Variants in FRYL observed in about 807,000 individuals in gnomAD.
FRYL encodes FRY like transcription coactivator.
A neutral mutation model predicts 351.2 loss-of-function variants in FRYL; 150 were observed. The ratio of observed to expected loss-of-function variants is 0.43; its 90% CI spans 0.37 to 0.49. The LOEUF is 0.49. Ranked by LOEUF, FRYL falls within the 20% of genes least tolerant of loss-of-function variation. The pLI, the probability that FRYL is intolerant of heterozygous loss-of-function variation, is 0.00. For missense variants in FRYL, 3,036 were observed against 3,619.3 expected, an observed-to-expected ratio of 0.84 and a Z score of 4.13; for synonymous variants, 1,153 against 1,257.1, an observed-to-expected ratio of 0.92 and a Z score of 1.75.
intron 3 of FRYL, among the ~76,000 whole-genome samples, chr4:48,641,739 C>G (rs538178894): frequency 7.5e-4 from 114 of 152,234 alleles, no homozygotes; most frequent in African/African-American, 2.6e-3. Flanking sequence ...CCATAATTAC[C>G]AAATGCGGAT....
intron 15 of FRYL, among the ~76,000 whole-genome samples, chr4:48,594,612 T>G (rs1434282353): frequency 6.6e-6 from 1 of 152,348 alleles, no homozygotes; most frequent in Non-Finnish European, 1.5e-5. Flanking sequence ...CTTATACTTA[T>G]CGAATTACCA....
At chr4:48,599,168 A>G (rs1164741401) in intron 13 of FRYL, among the ~76,000 whole-genome samples, 1 of 152,208 alleles carries the variant, frequency 6.6e-6, no homozygotes, top group African/African-American at 2.4e-5. Context: ...AAATTTTTAA[A>G]TGAATGTAAG....
chr4:48,766,437 G>A (rs367661820), intron 1 of FRYL, among the ~76,000 whole-genome samples: 20 of 152,292 alleles, frequency 1.3e-4, no homozygotes, highest in African/African-American at 4.8e-4. Flanking sequence ...ATTTCACTAA[G>A]CAGAATGGGC....
rs188703561 is a variant in FRYL, at chr4:48,644,484, A to G, written c.-80-9994T>C. Among the ~76,000 whole-genome samples the G allele has an allele frequency of 5.8e-4, 81 of 139,164 alleles. 1 individual carries two copies. Among genetic ancestry groups the G allele is most frequent in the Non-Finnish European group, 2.6e-4 (17 of 64,758 alleles). 91.3% of individuals were successfully genotyped at this position (139,164 alleles called of 152,430 possible). On this transcript the variant is annotated intron_variant, in intron 3 of 63. Transcript: ENST00000358350. The stretch of plus-strand genomic sequence containing the variant: ...AACTCAGTAGACATAAGTGTAGATA[A>G]ATCAGATAATTGTAAAAAAAAAAAA...
In FRYL at chr4:48,534,704, G is replaced by A; in HGVS notation, c.6565-19C>T. 2 of 1,437,782 alleles carry A rather than the reference G, an allele frequency of 1.4e-6. No individual in the cohort carries two copies. Among genetic ancestry groups the A allele is most frequent in the South Asian group, 1.2e-5 (1 of 81,540 alleles). The allele number at this position is 1,437,782 out of a possible 1,614,324, so 89.1% of individuals were successfully genotyped here. A position where few individuals can be genotyped will look rare whatever the true frequency, so the allele number is the denominator to read the frequency against. ...CTAACAGCTAAAAATAATGTTAAAA[G>A]TAATATTAAAGTATACTTTAATCAG... On this transcript the variant is annotated intron_variant, in intron 48 of 63. Transcript: ENST00000358350.
At chr4:48,726,403 C>G (rs140314576) in intron 1 of FRYL, among the ~76,000 whole-genome samples, 1 of 152,108 alleles carries the variant, frequency 6.6e-6, no homozygotes, top group Non-Finnish European at 1.5e-5. Context: ...CAGATGCGGG[C>G]GGGTGCAGTG....
chr4:48,553,155 G>T, intron 36 of FRYL, 60 bp downstream of exon 36: 1 of 1,360,826 alleles, frequency 7.3e-7, no homozygotes, highest in Non-Finnish European at 1.0e-6. Context: ...GGTTACCATA[G>T]TGAAGCAGAT....
At chr4:48,606,127 G>T (rs1275349792) in intron 10 of FRYL, among the ~76,000 whole-genome samples, 2 of 140,302 alleles carry the variant, frequency 1.4e-5, no homozygotes, top group Non-Finnish European at 3.1e-5. Context: ...AAAAAAATTA[G>T]CCGGGCCTGG....
intron 22 of FRYL, 43 bp from the exon 23 acceptor site, chr4:48,579,284 C>T (rs748421884): frequency 6.7e-7 from 1 of 1,488,596 alleles, no homozygotes; most frequent in Admixed American, 2.2e-5. Flanking sequence ...ATTTCAATAA[C>T]TTTGAAATTT....
intron 11 of FRYL, among the ~76,000 whole-genome samples, chr4:48,603,671 T>C (rs1746132124): frequency 6.6e-6 from 1 of 152,108 alleles, no homozygotes; most frequent in Admixed American, 6.5e-5. Context: ...GGGGCCCCTA[T>C]GGAAAAACTC....
At chr4:48,760,918 T>TCCCAACCCC (rs1774337776) in intron 1 of FRYL, among the ~76,000 whole-genome samples, 1 of 151,870 alleles carries the variant, frequency 6.6e-6, no homozygotes, top group Non-Finnish European at 1.5e-5. Flanking sequence ...CCTCAAGTGA[T>TCCCAACCCC]CCACCTGCCT....
At chr4:48,601,569 T>G (rs1745704354) in intron 13 of FRYL, among the ~76,000 whole-genome samples, 1 of 152,166 alleles carries the variant, frequency 6.6e-6, no homozygotes, top group Non-Finnish European at 1.5e-5. Context: ...GCAGATCCAG[T>G]ACCAACTTTT....
At chr4:48,576,279 GTTTAT>G (rs772812014) in intron 23 of FRYL, 57 bp from the exon 24 acceptor site, 170 of 1,174,820 alleles carry the variant, frequency 1.4e-4, no homozygotes, top group Non-Finnish European at 1.9e-4. Flanking sequence ...GTTTTTAAAA[GTTTAT>G]TTTAACTAAT....
At chr4:48,619,094 G>A (rs1750136347) in intron 7 of FRYL, 180 bp downstream of exon 7, 2 of 468,068 alleles carry the variant, frequency 4.3e-6, no homozygotes, top group African/African-American at 2.0e-5. Context: ...AAATAGAGGA[G>A]ATAACAGATA....
chr4:48,746,173 G>A (rs1772657511), intron 1 of FRYL, among the ~76,000 whole-genome samples: 3 of 152,284 alleles, frequency 2.0e-5, no homozygotes, highest in Non-Finnish European at 4.4e-5. Flanking sequence ...GGGTCACTGT[G>A]GTTAGGAGTC....
intron 19 of FRYL, among the ~76,000 whole-genome samples, chr4:48,585,240 A>T (rs1741856520): frequency 6.6e-6 from 1 of 152,218 alleles, no homozygotes; most frequent in South Asian, 2.1e-4. Context: ...GTAACTCTAC[A>T]ATCTAATTCA....
intron 1 of FRYL, among the ~76,000 whole-genome samples, chr4:48,743,964 A>G (rs1469791737): frequency 1.3e-5 from 2 of 152,202 alleles, no homozygotes; most frequent in Non-Finnish European, 2.9e-5. Context: ...CCACCCCCAT[A>G]TACATGTGTA....
chr4:48,545,125 G>C (rs1731050614), intron 42 of FRYL, among the ~76,000 whole-genome samples: 2 of 152,212 alleles, frequency 1.3e-5, no homozygotes, highest in Non-Finnish European at 2.9e-5. Flanking sequence ...AATTCTCTCA[G>C]ACGTAGTAGA....
At chr4:48,619,111 G>A in intron 7 of FRYL, 163 bp downstream of exon 7, 1 of 582,954 alleles carries the variant, frequency 1.7e-6, no homozygotes. Flanking sequence ...GATAGGTACA[G>A]GGCAGGAAAG....
Sources: gnomAD v4.1 joint callset for allele counts (sites outside exome capture counted in the v4.1 genomes callset) on GRCh38, gnomAD v4.1.1 for gene constraint, MANE v1.5 for transcripts, NCBI Gene and HGNC (gene_info 2026-07-23, HGNC 2026-07-21) for gene names.